The following BCAS4 variants were observed in gnomAD, a reference collection of about 807,000 sequenced individuals.
BCAS4 encodes the protein breast carcinoma amplified sequence 4, also known as breast carcinoma-amplified sequence 4.
Under a neutral mutation model 15.7 loss-of-function variants are expected in BCAS4, and 9 were observed. That is an observed-to-expected ratio of 0.57 (90% CI 0.34 to 1.00). The LOEUF is 1.00. BCAS4 is among the 50% of genes least tolerant of loss of function. The pLI, the probability that BCAS4 is intolerant of heterozygous loss-of-function variation, is 0.02. For synonymous variants in BCAS4, 101 were observed against 99.5 expected (o/e 1.02, Z -0.09); for missense variants, 225 against 239.1 (o/e 0.94, Z 0.39).
chr20:50,795,604 C>T (rs559194655), intron 1 of BCAS4, among the ~76,000 whole-genome samples: 1 of 152,316 alleles, frequency 6.6e-6, no homozygotes, highest in Admixed American at 6.5e-5. Flanking sequence ...CCTCTGTCTG[C>T]GCTTTCTATT....
chr20:50,839,759 GC>G (rs2088453859), intron 3 of BCAS4, among the ~76,000 whole-genome samples: 1 of 152,022 alleles, frequency 6.6e-6, no homozygotes, highest in Non-Finnish European at 1.5e-5. Flanking sequence ...GCCTGCCTTG[GC>G]CTCCCAAAGT....
chr20:50,828,806 G>C (rs1019506272), intron 2 of BCAS4, among the ~76,000 whole-genome samples: 80 of 152,060 alleles, frequency 5.3e-4, no homozygotes, highest in African/African-American at 1.8e-3. Context: ...GAGTCACTAG[G>C]CTCAGCCCAA....
chr20:50,825,528 C>T (rs1162430438), intron 2 of BCAS4, among the ~76,000 whole-genome samples: 1 of 152,204 alleles, frequency 6.6e-6, no homozygotes, highest in Non-Finnish European at 1.5e-5. Flanking sequence ...TCCCTGTTGC[C>T]TTCAGTTTCA....
chr20:50,846,124 C>T (rs1332986140), intron 4 of BCAS4, among the ~76,000 whole-genome samples: 2 of 152,252 alleles, frequency 1.3e-5, no homozygotes, highest in African/African-American at 4.8e-5. Context: ...CAAAAATGTA[C>T]GCATGACCAT....
At chr20:50,806,784 G>C (rs1175896219) in intron 1 of BCAS4, among the ~76,000 whole-genome samples, 2 of 151,216 alleles carry the variant, frequency 1.3e-5, no homozygotes, top group Non-Finnish European at 2.9e-5. Context: ...CATGCAAGGT[G>C]AAATGAGCAC....
chr20:50,796,403 A>G lies in BCAS4; in HGVS notation c.90+1230A>G, dbSNP rs577536959. Among the ~76,000 whole-genome samples the G allele has an allele frequency of 1.4e-4, 19 of 137,652 alleles. 1 individual carries two copies. The East Asian group carries it at 3.9e-3, about 28-fold the overall frequency. The allele number at this position is 137,652 out of a possible 152,430, so 90.3% of individuals were successfully genotyped here. A position where few individuals can be genotyped will look rare whatever the true frequency, so the allele number is the denominator to read the frequency against. ...AACCATAAAATATCTTTCCATATAT[A>G]TATATATACATATATATGAGTTTTC... On this transcript the variant is annotated intron_variant, in intron 1 of 4. Transcript: ENST00000371608.
At chr20:50,796,113 G>A (rs2087853436) in intron 1 of BCAS4, among the ~76,000 whole-genome samples, 1 of 151,554 alleles carries the variant, frequency 6.6e-6, no homozygotes, top group Non-Finnish European at 1.5e-5. Context: ...CAGGCCTGGT[G>A]GCTCACGCTT....
At chr20:50,807,902 CT>C (rs957736187) in intron 1 of BCAS4, among the ~76,000 whole-genome samples, 1,946 of 129,492 alleles carry the variant, frequency 0.015, 34 homozygotes, top group African/African-American at 0.05. Flanking sequence ...GCCACATATT[CT>C]TTTTTTTTTT....
At chr20:50,842,729 G>A (rs997003574) in intron 4 of BCAS4, among the ~76,000 whole-genome samples, 1 of 151,960 alleles carries the variant, frequency 6.6e-6, no homozygotes, top group Non-Finnish European at 1.5e-5. Context: ...ATCACCCTCA[G>A]TTTATAGGTG....
intron 2 of BCAS4, among the ~76,000 whole-genome samples, chr20:50,820,965 C>T (rs751094203): frequency 6.6e-5 from 10 of 152,172 alleles, no homozygotes; most frequent in East Asian, 1.9e-4. Flanking sequence ...TCTAGAGTTC[C>T]GGCTTCTCTC....
intron 1 of BCAS4, among the ~76,000 whole-genome samples, chr20:50,795,504 C>T (rs553712948): frequency 6.6e-6 from 1 of 152,320 alleles, no homozygotes; most frequent in Admixed American, 6.5e-5. Flanking sequence ...GCCCCGGCTA[C>T]CTCCGAGCGG....
intron 4 of BCAS4, among the ~76,000 whole-genome samples, chr20:50,863,945 G>A (rs2123840064): frequency 6.6e-6 from 1 of 152,296 alleles, no homozygotes; most frequent in South Asian, 2.1e-4. Context: ...ATCTGCTCAT[G>A]TGCCCCCCCA....
intron 4 of BCAS4, among the ~76,000 whole-genome samples, chr20:50,859,999 A>C (rs1042664196): frequency 1.4e-4 from 22 of 152,228 alleles, no homozygotes; most frequent in African/African-American, 5.3e-4. Context: ...AGTTGGGCAT[A>C]GTAGCATATG....
At chr20:50,845,375 C>G (rs72626574) in intron 4 of BCAS4, among the ~76,000 whole-genome samples, 24,823 of 152,074 alleles carry the variant, frequency 0.16, 3,102 homozygotes, top group African/African-American at 0.35. Flanking sequence ...TTTGTGCCAT[C>G]TGTAGTCAGT....
At chr20:50,860,462 T>G (rs1182136745) in intron 4 of BCAS4, among the ~76,000 whole-genome samples, 1 of 152,160 alleles carries the variant, frequency 6.6e-6, no homozygotes, top group African/African-American at 2.4e-5. Context: ...TGCCCTCCAT[T>G]TTTAAGATTT....
At chr20:50,803,351 A>C (rs1264733446) in intron 1 of BCAS4, among the ~76,000 whole-genome samples, 1 of 152,218 alleles carries the variant, frequency 6.6e-6, no homozygotes, top group African/African-American at 2.4e-5. Flanking sequence ...GAGAGGTGCA[A>C]GGGGCATGTG....
At chr20:50,878,334 T>C (rs1376152460), downstream of BCAS4, 2 of 151,424 alleles carry the variant, frequency 1.3e-5, no homozygotes, top group Non-Finnish European at 2.9e-5. Context: ...CACGCCCAGC[T>C]AATTTTTGTA....
chr20:50,817,222 G>C (rs946925482), intron 1 of BCAS4, among the ~76,000 whole-genome samples: 18 of 151,882 alleles, frequency 1.2e-4, no homozygotes, highest in Admixed American at 3.9e-4. Flanking sequence ...ACAGGCATAA[G>C]CCACTGCTCC....
At chr20:50,796,521 A>G (rs1463950613) in intron 1 of BCAS4, among the ~76,000 whole-genome samples, 1 of 33,066 alleles carries the variant, frequency 3.0e-5, no homozygotes, top group Non-Finnish European at 5.3e-5. Context: ...TTTGAGATGG[A>G]GTCTTGCTCT....
Sources: gnomAD v4.1 joint callset for allele counts (sites outside exome capture counted in the v4.1 genomes callset) on GRCh38, gnomAD v4.1.1 for gene constraint, MANE v1.5 for transcripts, NCBI Gene and HGNC (gene_info 2026-07-23, HGNC 2026-07-21) for gene names.